Variants in NPAS3 observed in about 807,000 individuals in gnomAD.
The protein encoded by NPAS3 is neuronal PAS domain protein 3.
A neutral mutation model predicts 73.1 loss-of-function variants in NPAS3; 14 were observed. The observed-to-expected ratio is 0.19, with a 90% CI of 0.13 to 0.30. The LOEUF is 0.30. NPAS3 is among the 10% of genes least tolerant of loss of function. The probability of loss-of-function intolerance (pLI) is 1.00; values close to 1 mark genes in which losing one functional copy is unlikely to be tolerated. For missense variants in NPAS3, 1,096 were observed against 1,250.0 expected, an observed-to-expected ratio of 0.88 and a Z score of 1.86; for synonymous variants, 620 against 541.5, an observed-to-expected ratio of 1.14 and a Z score of -2.01.
intron 4 of NPAS3, among the ~76,000 whole-genome samples, chr14:33,415,772 G>A (rs2048120407): frequency 6.6e-6 from 1 of 152,030 alleles, no homozygotes; most frequent in Non-Finnish European, 1.5e-5. Flanking sequence ...TTTCTATTCA[G>A]GCAATTCATT....
At chr14:33,171,037 T>C (rs937548940) in intron 2 of NPAS3, among the ~76,000 whole-genome samples, 1 of 152,172 alleles carries the variant, frequency 6.6e-6, no homozygotes, top group Non-Finnish European at 1.5e-5. Context: ...TCTTATGAAA[T>C]GCATTTTTTA....
chr14:33,068,451 CATTA>C (rs1310008397), intron 2 of NPAS3, among the ~76,000 whole-genome samples: 1 of 152,166 alleles, frequency 6.6e-6, no homozygotes, highest in East Asian at 1.9e-4. Flanking sequence ...TCTCTTAACA[CATTA>C]ATTGAGTACC....
intron 6 of NPAS3, among the ~76,000 whole-genome samples, chr14:33,718,861 C>T (rs2061027354): frequency 6.6e-6 from 1 of 152,090 alleles, no homozygotes; most frequent in Non-Finnish European, 1.5e-5. Context: ...TACGGTGGCT[C>T]ACACCTGTAA....
At chr14:33,168,118 G>A (rs1009222592) in intron 2 of NPAS3, among the ~76,000 whole-genome samples, 18 of 152,256 alleles carry the variant, frequency 1.2e-4, no homozygotes, top group African/African-American at 4.1e-4. Flanking sequence ...GCGTAGCTAC[G>A]GAAGAGCCCA....
chr14:33,578,837 A>C (rs541139778), intron 5 of NPAS3, among the ~76,000 whole-genome samples: 120 of 152,348 alleles, frequency 7.9e-4, no homozygotes, highest in African/African-American at 2.4e-3. Context: ...AAAACAAAAC[A>C]AAACAAAACA....
chr14:33,359,110 A>G (rs78630086), intron 3 of NPAS3, among the ~76,000 whole-genome samples: 6,061 of 152,256 alleles, frequency 0.04, 403 homozygotes, highest in African/African-American at 0.14. Context: ...AAAGCTAAGG[A>G]GAGAGAGACA....
At chr14:33,313,863 G>T (rs1021965988) in intron 3 of NPAS3, among the ~76,000 whole-genome samples, 1 of 151,936 alleles carries the variant, frequency 6.6e-6, no homozygotes, top group African/African-American at 2.4e-5. Context: ...ATCCCTTTTG[G>T]TCACACTGCT....
chr14:33,622,846 C>CTGATTGGGAAA (rs2058115094), intron 5 of NPAS3, among the ~76,000 whole-genome samples: 1 of 152,050 alleles, frequency 6.6e-6, no homozygotes, highest in Non-Finnish European at 1.5e-5. Context: ...TTTTCCCAAT[C>CTGATTGGGAAA]AGTCAAGAAT....
chr14:33,619,996 C>T (rs549703369), intron 5 of NPAS3, among the ~76,000 whole-genome samples: 125 of 152,204 alleles, frequency 8.2e-4, no homozygotes, highest in African/African-American at 2.7e-3. Flanking sequence ...TGAGAGCATT[C>T]AGAAAATATT....
chr14:33,767,095 C>A (rs1206072605), intron 7 of NPAS3, among the ~76,000 whole-genome samples: 7 of 152,150 alleles, frequency 4.6e-5, no homozygotes, highest in Non-Finnish European at 8.8e-5. Context: ...GTGGAAGAGT[C>A]CCTGGTTTCA....
intron 3 of NPAS3, among the ~76,000 whole-genome samples, chr14:33,279,211 A>T (rs1387994637): frequency 6.6e-6 from 1 of 152,034 alleles, no homozygotes; most frequent in African/African-American, 2.4e-5. Flanking sequence ...ATACTTAGAA[A>T]TCTCTGGATA....
At chr14:33,548,735 C>T (rs1031730288) in intron 4 of NPAS3, among the ~76,000 whole-genome samples, 1 of 152,168 alleles carries the variant, frequency 6.6e-6, no homozygotes, top group African/African-American at 2.4e-5. Context: ...TAAGTTATAC[C>T]TTCCCAGCAG....
At chr14:33,166,401 T>G (rs925386309) in intron 2 of NPAS3, among the ~76,000 whole-genome samples, 5 of 152,130 alleles carry the variant, frequency 3.3e-5, no homozygotes, top group African/African-American at 1.2e-4. Flanking sequence ...TCCCTTTGTA[T>G]GTCCCTCAGT....
intron 5 of NPAS3, among the ~76,000 whole-genome samples, chr14:33,609,325 T>G (rs1044185606): frequency 6.6e-6 from 1 of 152,196 alleles, no homozygotes; most frequent in African/African-American, 2.4e-5. Context: ...AAAATGTTGT[T>G]GGTGTTCTGA....
intron 3 of NPAS3, among the ~76,000 whole-genome samples, chr14:33,322,475 G>C (rs775141103): frequency 1.3e-5 from 2 of 150,428 alleles, no homozygotes; most frequent in African/African-American, 2.5e-5. Flanking sequence ...TGTGTCCTCT[G>C]TGTATATATG....
chr14:33,155,768 C>T (rs2044623884), intron 2 of NPAS3, among the ~76,000 whole-genome samples: 2 of 152,110 alleles, frequency 1.3e-5, no homozygotes, highest in Admixed American at 1.3e-4. Flanking sequence ...TTCCCTCTGT[C>T]TTCATGTTGT....
chr14:32,991,248 G>A (rs2038322337), intron 1 of NPAS3, among the ~76,000 whole-genome samples: 1 of 151,846 alleles, frequency 6.6e-6, no homozygotes, highest in African/African-American at 2.4e-5. Context: ...TCTAGGTGTT[G>A]GGGCTATAAT....
chr14:33,504,485 T>C (rs1176538624), intron 4 of NPAS3, among the ~76,000 whole-genome samples: 1 of 152,030 alleles, frequency 6.6e-6, no homozygotes. Flanking sequence ...CCTTGGCATA[T>C]GGGATGGAAA....
Position 33,703,018 on chromosome 14 carries a change from G to T in NPAS3, c.733+26633G>T, listed in dbSNP as rs184871483. ...GAATTAGGACTTTTAGTTTAATACA[G>T]CAGATAATGAAATGCAAACTCCATC... On this transcript the variant is annotated intron_variant, in intron 6 of 11. Coordinates refer to ENST00000356141, the Ensembl canonical transcript of NPAS3. Among the ~76,000 whole-genome samples, 411 of 152,180 alleles carry T rather than the reference G, an allele frequency of 2.7e-3. 5 individuals are homozygous for T. The highest frequency in any genetic ancestry group is 9.4e-3 in the African/African-American group (390 of 41,520).
Sources: allele counts gnomAD v4.1 joint callset (sites outside exome capture counted in the v4.1 genomes callset), GRCh38; gene constraint gnomAD v4.1.1; transcripts MANE v1.5; gene names NCBI Gene and HGNC (gene_info 2026-07-23, HGNC 2026-07-21).